The following ESRP1 variants were observed in gnomAD, a reference collection of about 807,000 sequenced individuals.
The protein encoded by ESRP1 is RNA-binding motif protein 35A.
A neutral mutation model predicts 81.7 loss-of-function variants in ESRP1; 33 were observed. The ratio of observed to expected loss-of-function variants is 0.40; its 90% CI spans 0.31 to 0.54. ESRP1 has a LOEUF of 0.54. ESRP1 is among the 20% of genes least tolerant of loss of function. The probability of loss-of-function intolerance (pLI) is 0.41; values close to 1 mark genes in which losing one functional copy is unlikely to be tolerated. For missense variants in ESRP1, 672 were observed against 833.1 expected (o/e 0.81, Z 2.38); for synonymous variants, 320 against 303.3 (o/e 1.06, Z -0.57).
intron 3 of ESRP1, 127 bp downstream of exon 3, chr8:94,643,543 G>C: frequency 1.7e-6 from 1 of 579,198 alleles, no homozygotes; most frequent in Non-Finnish European, 3.1e-6. Flanking sequence ...TATTTAATGA[G>C]TACAGAATTT....
chr8:94,702,628 C>T (rs112974732), intron 15 of ESRP1, among the ~76,000 whole-genome samples: 22 of 152,230 alleles, frequency 1.4e-4, no homozygotes, highest in East Asian at 1.2e-3. Context: ...GGACTACAGG[C>T]GCACACCACC....
rs1356532769 is a variant in ESRP1 at position 94,674,502 on chromosome 8, A to G, written c.1647A>G (p.Leu549=). 6.8e-6 allele frequency: 11 copies of G among 1,611,618 alleles called. No individual in the cohort carries two copies. The highest frequency in any genetic ancestry group is 1.3e-5 in the African/African-American group (1 of 74,722). The change falls in exon 12 of 16, where the codon TTA becomes TTG. Residue 549 remains leucine, a synonymous_variant. Transcript: ENST00000433389. The stretch of plus-strand genomic sequence containing the variant: ...GCTTATCCCCACCGCCATGTAAGTT[A>G]CCATGTAAGTTTTTCTTGGGTCTTG... The part of the protein sequence containing the change: ...RNGLSPPPCK[L]PCLSPPSYTF...
At chr8:94,684,381 T>C (rs1809053931) in intron 13 of ESRP1, among the ~76,000 whole-genome samples, 1 of 152,194 alleles carries the variant, frequency 6.6e-6, no homozygotes, top group Admixed American at 6.5e-5. Context: ...CATCAGTCCA[T>C]AGACTGCTGT....
chr8:94,658,911 C>CT (rs1818574093), intron 4 of ESRP1, among the ~76,000 whole-genome samples: 1 of 152,074 alleles, frequency 6.6e-6, no homozygotes, highest in Non-Finnish European at 1.5e-5. Context: ...TGTATTTTGT[C>CT]TTTTTTTAAA....
intron 1 of ESRP1, 137 bp from the exon 2 acceptor site, chr8:94,641,819 G>T: frequency 7.2e-7 from 1 of 1,383,928 alleles, no homozygotes; most frequent in South Asian, 1.5e-5. Context: ...CGGAACCGAT[G>T]GCGAGTCGAG....
At chr8:94,644,846 C>A (rs1016909452) in intron 3 of ESRP1, among the ~76,000 whole-genome samples, 4 of 152,116 alleles carry the variant, frequency 2.6e-5, no homozygotes, top group African/African-American at 9.7e-5. Context: ...ATGAAATAAT[C>A]CTGCCACTCA....
chr8:94,707,290 T>C lies in ESRP1; in HGVS notation c.*1401T>C, dbSNP rs1169711744. The C allele has an allele frequency of 6.6e-6, 1 of 151,694 alleles. No individual in the cohort carries two copies. Among genetic ancestry groups the C allele is most frequent in the African/African-American group, 2.4e-5 (1 of 41,296 alleles). 9.4% of individuals were successfully genotyped at this position (151,694 alleles called of 1,614,324 possible). A position where few individuals can be genotyped will look rare whatever the true frequency, so the allele number is the denominator to read the frequency against. Reference sequence around the variant, plus strand: ...AAAAAAAAAAAGGTTTGTGTGAAAATTGGTGATAACTGGCACTTAAGATCG... The same window carrying C: ...AAAAAAAAAAAGGTTTGTGTGAAAACTGGTGATAACTGGCACTTAAGATCG... On this transcript the variant is annotated 3_prime_UTR_variant, in exon 16 of 16. Transcript: ENST00000433389.
chr8:94,690,484 A>G (rs1306109478), intron 13 of ESRP1, among the ~76,000 whole-genome samples: 2 of 152,004 alleles, frequency 1.3e-5, no homozygotes, highest in Non-Finnish European at 2.9e-5. Context: ...TCAGGTAGAT[A>G]TATGACTTTT....
intron 4 of ESRP1, 75 bp from the exon 5 acceptor site, chr8:94,662,197 G>T: frequency 1.1e-6 from 1 of 880,910 alleles, no homozygotes; most frequent in Non-Finnish European, 1.7e-6. Context: ...CTCTTGGCTT[G>T]GTATAGGTTT....
chr8:94,682,645 G>C (rs879542490), intron 13 of ESRP1, among the ~76,000 whole-genome samples: 46,987 of 151,380 alleles, frequency 0.31, 8,698 homozygotes, highest in East Asian at 0.56. Flanking sequence ...GGGATTACAG[G>C]TGTGAGCCAC....
intron 13 of ESRP1, among the ~76,000 whole-genome samples, chr8:94,680,652 C>G (rs1224100257): frequency 6.6e-6 from 1 of 152,028 alleles, no homozygotes; most frequent in Non-Finnish European, 1.5e-5. Context: ...GTCTCAAACT[C>G]CCGACCTCAG....
At chr8:94,687,591 T>A (rs984123084) in intron 13 of ESRP1, among the ~76,000 whole-genome samples, 1 of 152,212 alleles carries the variant, frequency 6.6e-6, no homozygotes, top group African/African-American at 2.4e-5. Flanking sequence ...GCTTTCCAAT[T>A]CTTACTGTCT....
chr8:94,678,142 C>A, intron 12 of ESRP1, 61 bp from the exon 13 acceptor site: 2 of 1,540,278 alleles, frequency 1.3e-6, no homozygotes, highest in African/African-American at 2.7e-5. Flanking sequence ...GTTTTTAGTG[C>A]TAGCACGTGC....
At chr8:94,690,151 T>C (rs1019654777) in intron 13 of ESRP1, among the ~76,000 whole-genome samples, 1 of 149,582 alleles carries the variant, frequency 6.7e-6, no homozygotes, top group Non-Finnish European at 1.5e-5. Context: ...GTTTGTTTTT[T>C]GTTTTTTAGA....
chr8:94,660,868 T>C (rs372100409), intron 4 of ESRP1, among the ~76,000 whole-genome samples: 4 of 152,104 alleles, frequency 2.6e-5, no homozygotes, highest in African/African-American at 9.7e-5. Flanking sequence ...GCAATTGATG[T>C]GGCAAACTTC....
At chr8:94,686,581 C>T (rs538777662) in intron 13 of ESRP1, among the ~76,000 whole-genome samples, 26 of 152,360 alleles carry the variant, frequency 1.7e-4, no homozygotes, top group African/African-American at 6.3e-4. Context: ...GTCTCCAAAA[C>T]TGTAGGACCT....
At chr8:94,646,312 T>A in intron 4 of ESRP1, 30 bp downstream of exon 4, 2 of 1,331,542 alleles carry the variant, frequency 1.5e-6, no homozygotes, top group Non-Finnish European at 2.1e-6. Context: ...TCAAGAATCA[T>A]TTGAAAAGAT....
Position 94,646,176 on chromosome 8 carries a change from A to G in ESRP1, c.384A>G (p.Leu128=). The G allele has an allele frequency of 8.7e-6, 14 of 1,600,862 alleles. No homozygotes were observed. Among genetic ancestry groups the G allele is most frequent in the Non-Finnish European group, 1.2e-5 (14 of 1,169,214 alleles). ...LHPEASKKNV[L]LPECFYSFFD... is the part of the protein sequence containing the mutation. The stretch of plus-strand genomic sequence containing the variant: ...ACCTTGTCCTTCCTCAGAATGTACT[A>G]TTACCTGAATGCTTCTATTCCTTTT... The change falls in exon 4 of 16, where the codon CTA becomes CTG. Residue 128 remains leucine (L), a synonymous_variant. Coordinates refer to ENST00000433389, the MANE Select transcript of ESRP1 (RefSeq NM_017697.4).
intron 4 of ESRP1, among the ~76,000 whole-genome samples, chr8:94,652,552 G>C (rs1818197437): frequency 6.6e-6 from 1 of 151,496 alleles, no homozygotes. Flanking sequence ...AAGGACATTT[G>C]TGTAAATGGC....
Sources: allele counts gnomAD v4.1 joint callset (sites outside exome capture counted in the v4.1 genomes callset), GRCh38; gene constraint gnomAD v4.1.1; transcripts MANE v1.5; gene names NCBI Gene and HGNC (gene_info 2026-07-23, HGNC 2026-07-21).